The following SYNDIG1 variants were observed in gnomAD, a reference collection of about 807,000 sequenced individuals.
SYNDIG1 encodes synapse differentiation-inducing gene protein 1.
Under a neutral mutation model 19.4 loss-of-function variants are expected in SYNDIG1, and 9 were observed. That is an observed-to-expected ratio of 0.46 (90% CI 0.28 to 0.81). The LOEUF is 0.81. SYNDIG1 is among the 30% of genes least tolerant of loss of function. The probability of loss-of-function intolerance (pLI) is 0.12; values close to 1 mark genes in which losing one functional copy is unlikely to be tolerated. For synonymous variants in SYNDIG1, 141 were observed against 145.9 expected (o/e 0.97, Z 0.24); for missense variants, 311 against 343.3 (o/e 0.91, Z 0.74).
intron 1 of SYNDIG1, among the ~76,000 whole-genome samples, chr20:24,497,049 A>G (rs1014726956): frequency 2.0e-5 from 3 of 152,208 alleles, no homozygotes; most frequent in African/African-American, 7.2e-5. Context: ...GCTCATATCT[A>G]TCTTAGGAGA....
At chr20:24,600,583 C>G (rs533969633) in intron 3 of SYNDIG1, among the ~76,000 whole-genome samples, 2 of 150,998 alleles carry the variant, frequency 1.3e-5, no homozygotes, top group African/African-American at 4.9e-5. Flanking sequence ...GTTCCTTAAC[C>G]TTCATGTCTT....
chr20:24,598,869 C>A (rs1568673557), intron 3 of SYNDIG1, among the ~76,000 whole-genome samples: 1 of 151,980 alleles, frequency 6.6e-6, no homozygotes. Flanking sequence ...AAACATAAGA[C>A]CAAAAACTAT....
At chr20:24,650,566 A>T (rs1302834264) in intron 3 of SYNDIG1, among the ~76,000 whole-genome samples, 2 of 152,226 alleles carry the variant, frequency 1.3e-5, no homozygotes, top group Non-Finnish European at 2.9e-5. Flanking sequence ...TATGTTGTAC[A>T]AATTCTCCAT....
chr20:24,620,578 A>T (rs1003415350), intron 3 of SYNDIG1, among the ~76,000 whole-genome samples: 3 of 152,218 alleles, frequency 2.0e-5, no homozygotes, highest in African/African-American at 7.2e-5. Context: ...TCTGGTTATG[A>T]TCCAACCTTC....
chr20:24,527,610 C>T (rs563228215), intron 1 of SYNDIG1, among the ~76,000 whole-genome samples: 1 of 151,164 alleles, frequency 6.6e-6, no homozygotes, highest in Non-Finnish European at 1.5e-5. Context: ...TGATCTTTCT[C>T]AGCTCATTAT....
chr20:24,660,642 T>G lies in SYNDIG1; in HGVS notation c.619-4704T>G, dbSNP rs528787853. 5.3e-5 allele frequency among the ~76,000 whole-genome samples: 8 copies of G among 152,368 alleles called. No individual in the cohort carries two copies. In the South Asian group the frequency reaches 1.4e-3, roughly 28 times the overall value. On this transcript the variant is annotated intron_variant, in intron 3 of 3. Coordinates refer to ENST00000376862, the MANE Select transcript of SYNDIG1 (RefSeq NM_024893.3). Reference sequence around the variant, plus strand: ...AACTCACATTGTCACAGGAGGCTTGTGCTCTCGTACACGGCTTGCTTTCTC... The same window carrying G: ...AACTCACATTGTCACAGGAGGCTTGGGCTCTCGTACACGGCTTGCTTTCTC...
At chr20:24,566,370 TTGAAATATCTGAAGAAAATAAA>T (rs2058042189) in intron 2 of SYNDIG1, among the ~76,000 whole-genome samples, 1 of 152,262 alleles carries the variant, frequency 6.6e-6, no homozygotes, top group East Asian at 1.9e-4. Context: ...TCAGAGAAGT[TTGAAATATCTGAAGAAAATAAA>T]TGAAATATCT....
chr20:24,570,136 TAGC>T (rs1285572141), intron 2 of SYNDIG1, among the ~76,000 whole-genome samples: 7 of 152,198 alleles, frequency 4.6e-5, no homozygotes, highest in African/African-American at 1.4e-4. Context: ...AACAAATGTG[TAGC>T]AACACTGCTC....
intron 3 of SYNDIG1, among the ~76,000 whole-genome samples, chr20:24,640,159 C>A (rs2059357254): frequency 6.6e-6 from 1 of 152,034 alleles, no homozygotes; most frequent in African/African-American, 2.4e-5. Context: ...CATGGTAAAA[C>A]CCCATCTCTA....
chr20:24,500,409 G>GT (rs1418750035), intron 1 of SYNDIG1, among the ~76,000 whole-genome samples: 1 of 152,152 alleles, frequency 6.6e-6, no homozygotes, highest in Non-Finnish European at 1.5e-5. Context: ...ACATTGGGCT[G>GT]TTCAGGCATT....
chr20:24,649,498 A>G (rs984151804), intron 3 of SYNDIG1, among the ~76,000 whole-genome samples: 3 of 152,188 alleles, frequency 2.0e-5, no homozygotes, highest in African/African-American at 7.2e-5. Flanking sequence ...GCCCATACCT[A>G]TAGTTAGCCT....
intron 3 of SYNDIG1, among the ~76,000 whole-genome samples, chr20:24,660,703 C>T (rs1410050857): frequency 2.0e-5 from 3 of 152,272 alleles, no homozygotes; most frequent in African/African-American, 7.2e-5. Context: ...CAGGCCCACG[C>T]TCACCTTCGC....
At chr20:24,521,474 C>A (rs2057001622) in intron 1 of SYNDIG1, among the ~76,000 whole-genome samples, 1 of 152,142 alleles carries the variant, frequency 6.6e-6, no homozygotes, top group Non-Finnish European at 1.5e-5. Context: ...TCTTGTCTTC[C>A]ACCGTGGCCA....
intron 2 of SYNDIG1, among the ~76,000 whole-genome samples, chr20:24,552,140 C>T (rs76711105): frequency 0.033 from 5,027 of 151,968 alleles, 246 homozygotes; most frequent in African/African-American, 0.11. Context: ...TTTGGGGCTC[C>T]GTTGTTAAGA....
At chr20:24,600,681 C>T (rs2058666692) in intron 3 of SYNDIG1, among the ~76,000 whole-genome samples, 1 of 144,306 alleles carries the variant, frequency 6.9e-6, no homozygotes, top group South Asian at 2.2e-4. Context: ...ATGGCGTGAT[C>T]TCAGCTCACT....
intron 3 of SYNDIG1, among the ~76,000 whole-genome samples, chr20:24,597,688 A>G (rs1188104835): frequency 6.6e-6 from 1 of 152,168 alleles, no homozygotes; most frequent in Non-Finnish European, 1.5e-5. Flanking sequence ...GGCCTTATTT[A>G]GAAGTGTGAT....
rs1322290746 is a variant in SYNDIG1, at chr20:24,665,647, T to C, written c.*143T>C. The C allele has an allele frequency of 8.1e-7, 1 of 1,233,238 alleles. No homozygotes were observed. Among genetic ancestry groups the C allele is most frequent in the African/African-American group, 1.5e-5 (1 of 64,706 alleles). The allele number at this position is 1,233,238 out of a possible 1,614,324, so 76.4% of individuals were successfully genotyped here. A position where few individuals can be genotyped will look rare whatever the true frequency, so the allele number is the denominator to read the frequency against. On this transcript the variant is annotated 3_prime_UTR_variant, in exon 4 of 4. Transcript: ENST00000376862. Reference sequence around the variant, plus strand: ...TGGGATTTCCTACCCATGGATTTATTTTGTTTTTATCCTTTAATTTCATGT... The same window carrying C: ...TGGGATTTCCTACCCATGGATTTATCTTGTTTTTATCCTTTAATTTCATGT...
intron 1 of SYNDIG1, among the ~76,000 whole-genome samples, chr20:24,487,879 C>A (rs370206782): frequency 6.6e-6 from 1 of 152,076 alleles, no homozygotes; most frequent in Non-Finnish European, 1.5e-5. Context: ...GCGAAAGTGG[C>A]GATGGACCCA....
intron 3 of SYNDIG1, among the ~76,000 whole-genome samples, chr20:24,621,584 C>CT (rs1031239013): frequency 1.3e-4 from 20 of 152,096 alleles, no homozygotes; most frequent in Non-Finnish European, 2.4e-4. Context: ...CAGTGGCATC[C>CT]TTTTTTTGGG....
Sources: gnomAD v4.1 joint callset for allele counts (sites outside exome capture counted in the v4.1 genomes callset) on GRCh38, gnomAD v4.1.1 for gene constraint, MANE v1.5 for transcripts, NCBI Gene and HGNC (gene_info 2026-07-23, HGNC 2026-07-21) for gene names.